The following USP34 variants were observed in gnomAD, a reference collection of about 807,000 sequenced individuals.
USP34 encodes the protein ubiquitin specific peptidase 34, also known as ubiquitin carboxyl-terminal hydrolase 34.
Under a neutral mutation model 460.3 loss-of-function variants are expected in USP34, and 70 were observed. The observed-to-expected ratio is 0.15, with a 90% CI of 0.13 to 0.19. USP34 has a LOEUF of 0.19. Ranked by LOEUF, USP34 falls within the 10% of genes least tolerant of loss-of-function variation. USP34 has a pLI of 1.00. For synonymous variants in USP34, 1,647 were observed against 1,405.3 expected (o/e 1.17, Z -3.85); for missense variants, 3,985 against 4,236.2 (o/e 0.94, Z 1.65).
intron 37 of USP34, among the ~76,000 whole-genome samples, chr2:61,282,304 A>G (rs893251628): frequency 1.3e-5 from 2 of 152,208 alleles, no homozygotes; most frequent in Non-Finnish European, 2.9e-5. Context: ...TAGACAACGC[A>G]GGTTTAAAAA....
At chr2:61,264,437 C>T (rs748108901) in intron 43 of USP34, among the ~76,000 whole-genome samples, 1 of 151,974 alleles carries the variant, frequency 6.6e-6, no homozygotes, top group Non-Finnish European at 1.5e-5. Context: ...GGATTTGAGA[C>T]CAGCCTGGGC....
chr2:61,397,853 C>T (rs1054741157), intron 3 of USP34, among the ~76,000 whole-genome samples: 3 of 151,450 alleles, frequency 2.0e-5, no homozygotes, highest in Admixed American at 1.3e-4. Flanking sequence ...GAGCTGAGAT[C>T]GTGCCACTGA....
At chr2:61,314,455 C>T (rs1220683942) in intron 25 of USP34, 130 bp downstream of exon 25, 12 of 782,094 alleles carry the variant, frequency 1.5e-5, no homozygotes, top group Admixed American at 7.5e-5. Context: ...TGTTACTGAT[C>T]CTTCACTTTG....
chr2:61,363,314 G>C (rs1185925308), intron 10 of USP34, among the ~76,000 whole-genome samples: 1 of 152,140 alleles, frequency 6.6e-6, no homozygotes, highest in Admixed American at 6.6e-5. Context: ...TTCTCAAAAA[G>C]TTTAACACAG....
intron 34 of USP34, among the ~76,000 whole-genome samples, chr2:61,288,271 G>A (rs891970092): frequency 1.3e-5 from 2 of 152,160 alleles, no homozygotes; most frequent in Non-Finnish European, 2.9e-5. Context: ...AGATCTAGGG[G>A]TGATAAATGG....
chr2:61,220,841 C>T (rs909885114), intron 66 of USP34, among the ~76,000 whole-genome samples: 2 of 152,160 alleles, frequency 1.3e-5, no homozygotes. Context: ...ACAAGAAGCT[C>T]GCTGTACTGC....
intron 53 of USP34, among the ~76,000 whole-genome samples, chr2:61,239,206 T>G (rs1198772425): frequency 1.3e-5 from 2 of 151,772 alleles, no homozygotes; most frequent in Non-Finnish European, 2.9e-5. Context: ...TACAATGGCC[T>G]CTCTGTATCC....
chr2:61,314,646 G>A lies in USP34; in HGVS notation c.3481C>T (p.Leu1161Phe), dbSNP rs1417105703. The A allele has an allele frequency of 6.2e-7, 1 of 1,601,928 alleles. No homozygotes were observed. Residue 1161 changes from leucine (L) to phenylalanine (F), a missense_variant, in exon 25 of 80, where the codon CTC becomes TTC. Coordinates refer to ENST00000398571, the MANE Select transcript of USP34 (RefSeq NM_014709.4). Reference protein sequence around the residue: ...SSLEQESHSSLMVIERGLLML... With the variant: ...SSLEQESHSSFMVIERGLLML... ...AGGAGTCCTCTTTCTATAACCATGAGACTTGAGTGTGATTCCTGTTCAAGA... is the reference window on the plus strand; with the variant it reads ...AGGAGTCCTCTTTCTATAACCATGAAACTTGAGTGTGATTCCTGTTCAAGA...
chr2:61,297,622 T>C (rs577062190), intron 29 of USP34, among the ~76,000 whole-genome samples: 1 of 152,370 alleles, frequency 6.6e-6, no homozygotes, highest in East Asian at 1.9e-4. Flanking sequence ...TTATTACTAC[T>C]GCTACTATCA....
intron 1 of USP34, among the ~76,000 whole-genome samples, chr2:61,465,359 A>T (rs1695730364): frequency 6.6e-6 from 1 of 152,202 alleles, no homozygotes; most frequent in Non-Finnish European, 1.5e-5. Context: ...TAGAGGTATA[A>T]CTAATAATAT....
intron 43 of USP34, among the ~76,000 whole-genome samples, chr2:61,260,097 A>C (rs191740963): frequency 1.1e-4 from 16 of 152,356 alleles, no homozygotes. Context: ...AGGTGCAATC[A>C]AAGTTGTCTT....
intron 3 of USP34, among the ~76,000 whole-genome samples, chr2:61,404,936 A>C (rs767308123): frequency 1.3e-5 from 2 of 152,182 alleles, no homozygotes; most frequent in Non-Finnish European, 2.9e-5. Context: ...AAAAGAAAAT[A>C]CTATTACTTA....
At chr2:61,365,135 C>G (rs1317948600) in intron 10 of USP34, among the ~76,000 whole-genome samples, 1 of 151,584 alleles carries the variant, frequency 6.6e-6, no homozygotes, top group African/African-American at 2.4e-5. Flanking sequence ...GCCTATAATC[C>G]CAGCTACTCA....
intron 58 of USP34, among the ~76,000 whole-genome samples, chr2:61,230,578 A>G (rs891182255): frequency 6.6e-6 from 1 of 152,100 alleles, no homozygotes; most frequent in Non-Finnish European, 1.5e-5. Flanking sequence ...CCGCTGGTGC[A>G]GTGGCTGTAG....
At chr2:61,315,505 C>G (rs536118886) in intron 23 of USP34, among the ~76,000 whole-genome samples, 1 of 151,992 alleles carries the variant, frequency 6.6e-6, no homozygotes, top group Admixed American at 6.6e-5. Context: ...TCCTAAGTAG[C>G]TGGGATTACA....
intron 1 of USP34, among the ~76,000 whole-genome samples, chr2:61,451,596 C>A (rs1425088274): frequency 6.6e-6 from 1 of 151,414 alleles, no homozygotes; most frequent in East Asian, 2.0e-4. Context: ...GCAGGAGAAT[C>A]GTTTCAACCT....
chr2:61,278,479 A>T (rs1689438882), intron 39 of USP34, 36 bp from the exon 40 acceptor site: 1 of 1,429,344 alleles, frequency 7.0e-7, no homozygotes. Context: ...TCAAATATAA[A>T]TTTTTTATGT....
intron 10 of USP34, among the ~76,000 whole-genome samples, chr2:61,357,671 G>C (rs1036499157): frequency 8.5e-5 from 13 of 152,102 alleles, no homozygotes; most frequent in Admixed American, 8.5e-4. Flanking sequence ...GAGGCCAAGG[G>C]GGAAAGACTG....
chr2:61,393,274 T>A (rs1039554871), intron 5 of USP34, among the ~76,000 whole-genome samples: 1 of 151,734 alleles, frequency 6.6e-6, no homozygotes, highest in African/African-American at 2.4e-5. Flanking sequence ...CTATTAAAAA[T>A]ACAAAAATTA....
Sources: gnomAD v4.1 joint callset for allele counts (sites outside exome capture counted in the v4.1 genomes callset) on GRCh38, gnomAD v4.1.1 for gene constraint, MANE v1.5 for transcripts, NCBI Gene and HGNC (gene_info 2026-07-23, HGNC 2026-07-21) for gene names.